ANKLE2: variants seen among roughly 807,000 people sequenced by gnomAD.
ANKLE2 encodes the protein ankyrin repeat and LEM domain containing 2.
A neutral mutation model predicts 84.2 loss-of-function variants in ANKLE2; 55 were observed. That is an observed-to-expected ratio of 0.65 (90% CI 0.53 to 0.82). The LOEUF (loss-of-function observed/expected upper bound fraction) is 0.82, where lower values mean the gene tolerates loss of function less well. Ranked by LOEUF, ANKLE2 falls within the 40% of genes least tolerant of loss-of-function variation. The probability of loss-of-function intolerance (pLI) is 0.00; values close to 1 mark genes in which losing one functional copy is unlikely to be tolerated. For missense variants in ANKLE2, 1,238 were observed against 1,201.9 expected, an observed-to-expected ratio of 1.03 and a Z score of -0.44; for synonymous variants, 551 against 486.1, an observed-to-expected ratio of 1.13 and a Z score of -1.76.
chr12:132,759,872 A>T (rs113841013), intron 1 of ANKLE2: 1 of 151,942 alleles, frequency 6.6e-6, no homozygotes, highest in Non-Finnish European at 1.5e-5. Flanking sequence ...GATGGCTCAC[A>T]CCTGTAATCC....
chr12:132,737,913 A>C (rs1448014605), intron 7 of ANKLE2: 1 of 151,382 alleles, frequency 6.6e-6, no homozygotes, highest in Admixed American at 6.6e-5. Context: ...GCGCCACCAC[A>C]CCCGGCTAAT....
intron 12 of ANKLE2, 115 bp from the exon 13 acceptor site, chr12:132,727,558 C>A: frequency 1.8e-6 from 2 of 1,131,856 alleles, no homozygotes; most frequent in Non-Finnish European, 1.2e-6. Flanking sequence ...GGAGGAGAGG[C>A]ACTGGTGAAC....
intron 11 of ANKLE2, 32 bp from the exon 12 acceptor site, chr12:132,728,195 C>T: frequency 6.2e-7 from 1 of 1,602,500 alleles, no homozygotes; most frequent in African/African-American, 1.3e-5. Context: ...GCAAAAACAT[C>T]TTTGGTAAAA....
intron 6 of ANKLE2, among the ~76,000 whole-genome samples, 157 bp downstream of exon 6, chr12:132,742,997 T>C (rs1204484002): frequency 6.6e-6 from 1 of 152,156 alleles, no homozygotes. Flanking sequence ...ACAAAGTGCA[T>C]CTTACTCAAC....
chr12:132,741,745 G>A, intron 6 of ANKLE2: 2 of 600,120 alleles, frequency 3.3e-6, no homozygotes, highest in South Asian at 1.5e-5. Flanking sequence ...CTAACTGTCT[G>A]CAAGGAGAGG....
chr12:132,734,234 G>C, intron 10 of ANKLE2, 151 bp downstream of exon 10: 2 of 834,012 alleles, frequency 2.4e-6, no homozygotes, highest in East Asian at 5.3e-5. Flanking sequence ...AACAAAGAGA[G>C]GTTCCGTCTC....
chr12:132,734,277 C>A, intron 10 of ANKLE2, 108 bp downstream of exon 10: 2 of 1,213,040 alleles, frequency 1.6e-6, no homozygotes, highest in South Asian at 1.3e-5. Flanking sequence ...AGTACCAGAC[C>A]TTTACGTTAA....
chr12:132,734,662 T>G (rs2043970335), intron 9 of ANKLE2, 87 bp from the exon 10 acceptor site: 2 of 1,300,918 alleles, frequency 1.5e-6, no homozygotes, highest in South Asian at 1.4e-5. Flanking sequence ...AAGCTTCAAG[T>G]ACCAAAGCAA....
At position 132,737,022 on chromosome 12, in the gene ANKLE2, A is replaced by G. The variant is rs896817756; in HGVS notation, c.1464T>C (p.Ser488=). 6.2e-7 allele frequency: 1 copy of G among 1,611,854 alleles called. No homozygotes were observed. The highest frequency in any genetic ancestry group is 1.3e-5 in the African/African-American group (1 of 74,884). Residue 488 remains serine (S), a synonymous_variant, in exon 8 of 13, where the codon TCT becomes TCC. Coordinates refer to ENST00000357997, the MANE Select transcript of ANKLE2 (RefSeq NM_015114.3). ...VPLLRAEETS[S]PVIGELWSPD... is the part of the protein sequence containing the mutation. Reference sequence around the variant, plus strand: ...GGGACCACAGCTCCCCGATGACTGGAGAAGAAGTCTCTTCCGCTCTCAGGA... The same window carrying G: ...GGGACCACAGCTCCCCGATGACTGGGGAAGAAGTCTCTTCCGCTCTCAGGA...
At chr12:132,741,683 C>T (rs2044126327) in intron 6 of ANKLE2, 198 bp from the exon 7 acceptor site, 2 of 668,326 alleles carry the variant, frequency 3.0e-6, no homozygotes, top group African/African-American at 3.6e-5. Flanking sequence ...TAGGAGAACA[C>T]ACTCTGGGAT....
chr12:132,728,042 C>T lies in ANKLE2; in HGVS notation c.2605G>A (p.Asp869Asn). ...KSAVLCYSPS[D>N]RQSWPSPAVK... ...CCGGGCCCCACATACCTCTGTCTGT[C>T]CGAGGGTGAGTAGCACAGGACAGCA... The change falls in exon 12 of 13, where the codon GAC becomes AAC. Residue 869 changes from aspartate (D) to asparagine (N), a missense_variant. By Grantham distance (23) the Asp-to-Asn change is conservative. Around this residue, in one of 3 missense-constraint regions of ANKLE2, gnomAD observed 802 missense variants for 774.5 expected, o/e 1.04. Coordinates refer to ENST00000357997, the MANE Select transcript of ANKLE2 (RefSeq NM_015114.3). The T allele has an allele frequency of 6.2e-7, 1 of 1,607,146 alleles. No individual in the cohort carries two copies. Among genetic ancestry groups the T allele is most frequent in the Non-Finnish European group, 8.5e-7 (1 of 1,178,350 alleles).
intron 1 of ANKLE2, chr12:132,759,973 A>C (rs1263950530): frequency 6.6e-6 from 1 of 152,080 alleles, no homozygotes; most frequent in African/African-American, 2.4e-5. Flanking sequence ...GTCTCTATTA[A>C]AAATACAAAA....
chr12:132,728,638 C>A lies in ANKLE2; in HGVS notation c.2484-475G>T, dbSNP rs560243519. 3.0e-4 allele frequency among the ~76,000 whole-genome samples: 45 copies of A among 152,350 alleles called. No individual in the cohort carries two copies. The South Asian group carries it at 8.7e-3, about 29-fold the overall frequency. On this transcript the variant is annotated intron_variant, in intron 11 of 12. Transcript: ENST00000357997. Reference sequence around the variant, plus strand: ...GGGAACCAGCAGCAGCATGTCAGGGCATTAGCTCTGCAGAGGGAGGCATCT... The same window carrying A: ...GGGAACCAGCAGCAGCATGTCAGGGAATTAGCTCTGCAGAGGGAGGCATCT...
intron 1 of ANKLE2, chr12:132,756,324 C>G (rs1168181469): frequency 6.6e-6 from 1 of 151,706 alleles, no homozygotes; most frequent in African/African-American, 2.4e-5. Flanking sequence ...GAGCCGAAAT[C>G]ACGCCACTGC....
chr12:132,743,550 T>C lies in ANKLE2; in HGVS notation c.1231-274A>G, dbSNP rs118160033. Among the ~76,000 whole-genome samples, 1 of 151,056 alleles carries C rather than the reference T, an allele frequency of 6.6e-6. No homozygotes were observed. Among genetic ancestry groups the C allele is most frequent in the African/African-American group, 2.4e-5 (1 of 41,030 alleles). On this transcript the variant is annotated intron_variant, in intron 5 of 12. Transcript: ENST00000357997. The surrounding 1 kb of genome is among the most constrained non-coding windows in gnomAD (Gnocchi z 4.1). ...ATTTAGTAGAGATGGGGTTTCACCATATTGGTGAGACTGGTCTCGAACTCC... is the reference window on the plus strand; with the variant it reads ...ATTTAGTAGAGATGGGGTTTCACCACATTGGTGAGACTGGTCTCGAACTCC...
intron 2 of ANKLE2, among the ~76,000 whole-genome samples, chr12:132,753,545 CACG>C (rs1433147280): frequency 1.3e-5 from 2 of 152,084 alleles, no homozygotes; most frequent in African/African-American, 2.4e-5. Context: ...GTGGGCAGAT[CACG>C]ACGTCAGGGG....
intron 7 of ANKLE2, 32 bp from the exon 8 acceptor site, chr12:132,737,097 T>C: frequency 6.4e-7 from 1 of 1,558,844 alleles, no homozygotes; most frequent in Non-Finnish European, 8.7e-7. Context: ...GGCTGCAGGC[T>C]TCCGCCCCCT....
rs1566011307 is a variant in ANKLE2 at position 132,730,273 on chromosome 12, G to A, written c.1892-3C>T. ...CCTCACGGAAATGGAATTGCTGCCTGTGAGGACAACAAGGAGCACTTCAGT... is the reference window on the plus strand; with the variant it reads ...CCTCACGGAAATGGAATTGCTGCCTATGAGGACAACAAGGAGCACTTCAGT... On this transcript the variant is annotated splice_polypyrimidine_tract_variant and splice_region_variant and intron_variant, in intron 10 of 12. Coordinates refer to ENST00000357997, the MANE Select transcript of ANKLE2 (RefSeq NM_015114.3). 2 of 1,552,300 alleles carry A rather than the reference G, an allele frequency of 1.3e-6. No homozygotes were observed. The highest frequency in any genetic ancestry group is 1.9e-5 in the Admixed American group (1 of 53,760).
At position 132,734,346 on chromosome 12, in the gene ANKLE2, C is replaced by G. The variant is rs763733173; in HGVS notation, c.1891+39G>C. ...CCCGTCAGACCCCGGCCATGGGGGGCCCCTCCCAGCTGCCACAGCCACGCC... is the reference window on the plus strand; with the variant it reads ...CCCGTCAGACCCCGGCCATGGGGGGGCCCTCCCAGCTGCCACAGCCACGCC... On this transcript the variant is annotated intron_variant, in intron 10 of 12. Transcript: ENST00000357997. 2.5e-6 allele frequency: 4 copies of G among 1,602,662 alleles called. No homozygotes were observed. The African/African-American group carries it at 5.4e-5, about 22-fold the overall frequency.
Sources: gnomAD v4.1 joint callset for allele counts (sites outside exome capture counted in the v4.1 genomes callset) on GRCh38, gnomAD v4.1.1 for gene constraint, gnomAD v4.1.1 regional missense constraint, Gnocchi (gnomAD v3.1) non-coding constraint, MANE v1.5 for transcripts, NCBI Gene and HGNC (gene_info 2026-07-23, HGNC 2026-07-21) for gene names.